ATF7IP2: variants seen among roughly 807,000 people sequenced by gnomAD.
ATF7IP2 encodes activating transcription factor 7 interacting protein 2.
A neutral mutation model predicts 64.2 loss-of-function variants in ATF7IP2; 42 were observed. The ratio of observed to expected loss-of-function variants is 0.65; its 90% CI spans 0.51 to 0.85. The LOEUF is 0.85. ATF7IP2 is among the 40% of genes least tolerant of loss of function. The pLI is 0.00. For synonymous variants in ATF7IP2, 308 were observed against 272.8 expected, an observed-to-expected ratio of 1.13 and a Z score of -1.27; for missense variants, 933 against 784.2, an observed-to-expected ratio of 1.19 and a Z score of -2.27.
At chr16:10,398,988 C>T (rs1261825963) in intron 1 of ATF7IP2, among the ~76,000 whole-genome samples, 1 of 152,166 alleles carries the variant, frequency 6.6e-6, no homozygotes, top group African/African-American at 2.4e-5. Flanking sequence ...TGGTGCATGC[C>T]TGTAATCCCA....
chr16:10,439,257 T>A (rs1388573045), intron 7 of ATF7IP2, among the ~76,000 whole-genome samples: 1 of 151,972 alleles, frequency 6.6e-6, no homozygotes, highest in Non-Finnish European at 1.5e-5. Flanking sequence ...TGAGATGGAG[T>A]CTCGCTCTGT....
chr16:10,444,388 G>C (rs549435873), intron 8 of ATF7IP2, among the ~76,000 whole-genome samples: 1 of 152,070 alleles, frequency 6.6e-6, no homozygotes, highest in Non-Finnish European at 1.5e-5. Context: ...CACTAGATAA[G>C]GTCTCCCAGG....
intron 1 of ATF7IP2, among the ~76,000 whole-genome samples, chr16:10,393,566 T>C (rs143435617): frequency 2.4e-3 from 367 of 152,248 alleles, no homozygotes; most frequent in Non-Finnish European, 4.5e-3. Context: ...TGGGTTAAAT[T>C]ATTTTGCTCA....
At chr16:10,463,053 G>A (rs1045522332) in intron 9 of ATF7IP2, among the ~76,000 whole-genome samples, 3 of 152,096 alleles carry the variant, frequency 2.0e-5, no homozygotes, top group African/African-American at 4.8e-5. Flanking sequence ...CCATCCAAGC[G>A]TTGTACATTT....
At chr16:10,412,022 T>G (rs71379091) in intron 1 of ATF7IP2, among the ~76,000 whole-genome samples, 19,851 of 132,498 alleles carry the variant, frequency 0.15, 2,143 homozygotes, top group African/African-American at 0.24. Flanking sequence ...TTTTTTTTTT[T>G]TTTTTTTTTT....
chr16:10,447,654 A>C (rs1453849693), intron 8 of ATF7IP2: 1 of 152,160 alleles, frequency 6.6e-6, no homozygotes, highest in East Asian at 1.9e-4. Flanking sequence ...GTCAGACTGC[A>C]CAATCTAAAC....
intron 1 of ATF7IP2, among the ~76,000 whole-genome samples, chr16:10,404,162 A>T (rs113296255): frequency 2.5e-3 from 374 of 152,364 alleles, no homozygotes; most frequent in African/African-American, 8.6e-3. Flanking sequence ...GTCAAGGTGA[A>T]GGAAAGAATT....
At chr16:10,471,614 T>C (rs2049802832) in intron 9 of ATF7IP2, among the ~76,000 whole-genome samples, 1 of 152,164 alleles carries the variant, frequency 6.6e-6, no homozygotes, top group Non-Finnish European at 1.5e-5. Context: ...TTTATCATCA[T>C]TGTCTCAAAT....
intron 9 of ATF7IP2, among the ~76,000 whole-genome samples, chr16:10,465,368 A>G (rs1324136607): frequency 6.6e-6 from 1 of 152,140 alleles, no homozygotes; most frequent in Non-Finnish European, 1.5e-5. Flanking sequence ...AAGGTAAACT[A>G]CAAGTAGATA....
At chr16:10,406,194 C>T (rs902401914) in intron 1 of ATF7IP2, among the ~76,000 whole-genome samples, 9 of 152,232 alleles carry the variant, frequency 5.9e-5, no homozygotes, top group Non-Finnish European at 1.3e-4. Context: ...CAGCCTCGAC[C>T]TCCACAGGAT....
intron 9 of ATF7IP2, among the ~76,000 whole-genome samples, chr16:10,461,841 T>C (rs2049383722): frequency 6.6e-6 from 1 of 152,154 alleles, no homozygotes; most frequent in South Asian, 2.1e-4. Context: ...TAATGGAAAA[T>C]ATATTTTAAT....
At chr16:10,472,525 C>G (rs984546252) in intron 10 of ATF7IP2, among the ~76,000 whole-genome samples, 1 of 151,398 alleles carries the variant, frequency 6.6e-6, no homozygotes, top group Non-Finnish European at 1.5e-5. Context: ...TATTTTTTAT[C>G]TATTAAGTTA....
intron 1 of ATF7IP2, among the ~76,000 whole-genome samples, chr16:10,412,010 G>GTTTTTT (rs71133351): frequency 3.4e-5 from 2 of 58,390 alleles, no homozygotes; most frequent in Non-Finnish European, 6.6e-5. Context: ...ATCTTTTTTT[G>GTTTTTT]TTTTTTTTTT....
chr16:10,457,181 T>G, intron 8 of ATF7IP2, 191 bp from the exon 9 acceptor site: 2 of 513,454 alleles, frequency 3.9e-6, no homozygotes, highest in Non-Finnish European at 6.8e-6. Context: ...ATCATTTTTA[T>G]TTCTTCGGAG....
chr16:10,472,558 A>T (rs2049839504), intron 10 of ATF7IP2, among the ~76,000 whole-genome samples: 1 of 152,058 alleles, frequency 6.6e-6, no homozygotes, highest in Admixed American at 6.6e-5. Flanking sequence ...CTTAAGATTT[A>T]AAATTTGTCT....
rs79736871 is a variant in ATF7IP2 at position 10,469,602 on chromosome 16, C to T, written c.1353-2508C>T. Among the ~76,000 whole-genome samples the T allele has an allele frequency of 2.5e-3, 381 of 151,940 alleles. 1 individual carries two copies. The highest frequency in any genetic ancestry group is 8.7e-3 in the African/African-American group (359 of 41,422). On this transcript the variant is annotated intron_variant, in intron 9 of 13. Coordinates refer to ENST00000562102, the MANE Select transcript of ATF7IP2 (RefSeq NM_001393719.1). ...AAAGTCTGACCAACATGGAGAAAAC[C>T]CCGTCTCTACTAAAAATATAAAATT...
chr16:10,407,301 A>C (rs1406421357), intron 1 of ATF7IP2, among the ~76,000 whole-genome samples: 1 of 152,204 alleles, frequency 6.6e-6, no homozygotes, highest in Non-Finnish European at 1.5e-5. Context: ...AAAGAACTAC[A>C]AACCTTTGGT....
At chr16:10,462,417 T>C (rs1014684933) in intron 9 of ATF7IP2, among the ~76,000 whole-genome samples, 2 of 152,144 alleles carry the variant, frequency 1.3e-5, no homozygotes, top group African/African-American at 2.4e-5. Flanking sequence ...CATCAGTTTT[T>C]ATCCGGAAAT....
intron 2 of ATF7IP2, among the ~76,000 whole-genome samples, chr16:10,416,805 G>A (rs886650532): frequency 2.6e-5 from 4 of 152,108 alleles, no homozygotes; most frequent in Non-Finnish European, 5.9e-5. Context: ...TCAAAAAAAA[G>A]TAGTTAGAAT....
Sources: allele counts gnomAD v4.1 joint callset (sites outside exome capture counted in the v4.1 genomes callset), GRCh38; gene constraint gnomAD v4.1.1; transcripts MANE v1.5; gene names NCBI Gene and HGNC (gene_info 2026-07-23, HGNC 2026-07-21).